Variants in KCNIP4 observed in about 807,000 individuals in gnomAD.
KCNIP4 encodes the protein potassium voltage-gated channel interacting protein 4.
Under a neutral mutation model 34.0 loss-of-function variants are expected in KCNIP4, and 12 were observed. The ratio of observed to expected loss-of-function variants is 0.35; its 90% CI spans 0.23 to 0.57. The LOEUF is 0.57. Ranked by LOEUF, KCNIP4 falls within the 20% of genes least tolerant of loss-of-function variation. KCNIP4 has a pLI of 0.83. For synonymous variants in KCNIP4, 124 were observed against 102.2 expected, an observed-to-expected ratio of 1.21 and a Z score of -1.29; for missense variants, 238 against 311.7, an observed-to-expected ratio of 0.76 and a Z score of 1.78.
intron 1 of KCNIP4, among the ~76,000 whole-genome samples, chr4:21,521,131 G>T (rs924570017): frequency 1.2e-4 from 19 of 152,074 alleles, no homozygotes; most frequent in African/African-American, 3.4e-4. Flanking sequence ...CCTTCCACAG[G>T]GCAGCATCCA....
At chr4:21,709,628 CA>C (rs76346186) in intron 1 of KCNIP4, among the ~76,000 whole-genome samples, 2,757 of 150,362 alleles carry the variant, frequency 0.018, 84 homozygotes, top group African/African-American at 0.056. Context: ...AGATCATCAA[CA>C]AAAAAAACAG....
chr4:21,860,677 AT>A (rs1054583959), intron 1 of KCNIP4, among the ~76,000 whole-genome samples: 1 of 145,734 alleles, frequency 6.9e-6, no homozygotes, highest in African/African-American at 2.5e-5. Context: ...AAAAAAAAAA[AT>A]CAGATATAAC....
intron 1 of KCNIP4, among the ~76,000 whole-genome samples, chr4:21,110,388 G>A (rs1216620611): frequency 6.6e-6 from 1 of 152,162 alleles, no homozygotes; most frequent in East Asian, 1.9e-4. Flanking sequence ...TGGCTCACTA[G>A]ACCAATGAGG....
intron 1 of KCNIP4, chr4:21,852,535 A>G (rs1268105282): frequency 1.3e-5 from 2 of 152,220 alleles, no homozygotes; most frequent in African/African-American, 2.4e-5. Context: ...ATTTGTTAAT[A>G]GGGTAGATTT....
intron 4 of KCNIP4, among the ~76,000 whole-genome samples, chr4:20,757,948 A>G (rs1754619117): frequency 6.6e-6 from 1 of 152,178 alleles, no homozygotes; most frequent in Non-Finnish European, 1.5e-5. Context: ...CTGTGCTCTC[A>G]GAATATTATT....
chr4:21,414,762 C>G (rs10026183), intron 1 of KCNIP4, among the ~76,000 whole-genome samples: 42,001 of 151,960 alleles, frequency 0.28, 6,918 homozygotes, highest in Non-Finnish European at 0.38. Context: ...AATGGAGATT[C>G]TATAATTTGT....
chr4:21,457,578 T>C (rs1729064463), intron 1 of KCNIP4, among the ~76,000 whole-genome samples: 1 of 151,684 alleles, frequency 6.6e-6, no homozygotes, highest in Non-Finnish European at 1.5e-5. Context: ...TAGAAAAGAG[T>C]AGAGGTGTAA....
intron 1 of KCNIP4, among the ~76,000 whole-genome samples, chr4:21,920,933 T>C (rs1329477555): frequency 6.6e-6 from 1 of 152,164 alleles, no homozygotes; most frequent in African/African-American, 2.4e-5. Flanking sequence ...GTTAATCTTT[T>C]CACATCCTAC....
intron 1 of KCNIP4, among the ~76,000 whole-genome samples, chr4:21,788,278 T>C (rs767112918): frequency 3.7e-4 from 56 of 149,778 alleles, no homozygotes; most frequent in Non-Finnish European, 7.0e-4. Flanking sequence ...TTATGGGAAA[T>C]GAAAAATGAA....
chr4:21,531,569 G>T (rs1406750312), intron 1 of KCNIP4, among the ~76,000 whole-genome samples: 1 of 151,818 alleles, frequency 6.6e-6, no homozygotes, highest in Non-Finnish European at 1.5e-5. Context: ...TAGAGATGGG[G>T]TTTTGCCATG....
intron 1 of KCNIP4, among the ~76,000 whole-genome samples, chr4:21,902,430 G>A (rs1258992349): frequency 6.6e-6 from 1 of 151,974 alleles, no homozygotes. Flanking sequence ...TTTCAAATTT[G>A]TTATAATATA....
chr4:20,760,471 A>G (rs537875131), intron 3 of KCNIP4, among the ~76,000 whole-genome samples: 9 of 152,244 alleles, frequency 5.9e-5, no homozygotes, highest in Non-Finnish European at 1.0e-4. Context: ...CAGTTACTCA[A>G]CTGTAATGTG....
chr4:21,534,161 C>T (rs1408173135), intron 1 of KCNIP4, among the ~76,000 whole-genome samples: 1 of 152,070 alleles, frequency 6.6e-6, no homozygotes, highest in Non-Finnish European at 1.5e-5. Context: ...GTGTCAAATG[C>T]ACATAAAACA....
chr4:21,558,784 A>C (rs371749872), intron 1 of KCNIP4, among the ~76,000 whole-genome samples: 1 of 152,132 alleles, frequency 6.6e-6, no homozygotes, highest in Non-Finnish European at 1.5e-5. Flanking sequence ...TGAAGCAAAG[A>C]TTATGTAGAT....
chr4:21,536,622 T>C (rs1375972300), intron 1 of KCNIP4, among the ~76,000 whole-genome samples: 2 of 151,878 alleles, frequency 1.3e-5, no homozygotes, highest in Non-Finnish European at 2.9e-5. Context: ...TTACTAAAAA[T>C]ACAAAAAATA....
chr4:21,153,200 C>A (rs1447024762), intron 1 of KCNIP4, among the ~76,000 whole-genome samples: 1 of 152,086 alleles, frequency 6.6e-6, no homozygotes, highest in South Asian at 2.1e-4. Context: ...TAATTTATTT[C>A]ATACAATACT....
At chr4:21,884,469 G>A (rs1726647565) in intron 1 of KCNIP4, among the ~76,000 whole-genome samples, 1 of 152,000 alleles carries the variant, frequency 6.6e-6, no homozygotes, top group Non-Finnish European at 1.5e-5. Context: ...TTCCCAAGAT[G>A]GCCAGATGGA....
chr4:20,781,518 A>G (rs894564944), intron 3 of KCNIP4, among the ~76,000 whole-genome samples: 3 of 152,230 alleles, frequency 2.0e-5, no homozygotes, highest in South Asian at 2.1e-4. Flanking sequence ...AGGCCTCAGA[A>G]TCATGGCAGG....
chr4:20,847,760 G>A (rs986558197), intron 3 of KCNIP4, among the ~76,000 whole-genome samples: 1 of 152,110 alleles, frequency 6.6e-6, no homozygotes, highest in Admixed American at 6.6e-5. Flanking sequence ...TACTTGCAGG[G>A]GTGCCTGGCT....
Sources: allele counts gnomAD v4.1 joint callset (sites outside exome capture counted in the v4.1 genomes callset), GRCh38; gene constraint gnomAD v4.1.1; transcripts MANE v1.5; gene names NCBI Gene and HGNC (gene_info 2026-07-23, HGNC 2026-07-21).